Variants in GPHN observed in about 807,000 individuals in gnomAD.
The protein encoded by GPHN is gephyrin.
A neutral mutation model predicts 95.5 loss-of-function variants in GPHN; 17 were observed. The observed-to-expected ratio is 0.18, with a 90% CI of 0.12 to 0.27. The LOEUF (loss-of-function observed/expected upper bound fraction) is 0.27. GPHN is among the 10% of genes least tolerant of loss of function. GPHN has a pLI of 1.00. For synonymous variants in GPHN, 320 were observed against 322.5 expected, an observed-to-expected ratio of 0.99 and a Z score of 0.08; for missense variants, 660 against 978.1, an observed-to-expected ratio of 0.67 and a Z score of 4.34.
the GPHN span, chr14:67,201,613 G>A: frequency 1.6e-5 from 7 of 448,188 alleles, no homozygotes; most frequent in East Asian, 4.2e-4. Flanking sequence ...CACTGGCAAG[G>A]GGTGTGGAGT....
At chr14:66,527,432 A>AT (rs1289518375) in intron 1 of GPHN, among the ~76,000 whole-genome samples, 1 of 150,082 alleles carries the variant, frequency 6.7e-6, no homozygotes, top group Non-Finnish European at 1.5e-5. Flanking sequence ...GGATTCATTA[A>AT]TTTTTTTGAG....
chr14:67,687,762 C>A, the GPHN span, among the ~76,000 whole-genome samples: 1 of 150,846 alleles, frequency 6.6e-6, no homozygotes, highest in Non-Finnish European at 1.5e-5. Flanking sequence ...TGAGCCACCA[C>A]GTCCGGCCCT....
chr14:66,685,507 A>T (rs994062678), intron 2 of GPHN, among the ~76,000 whole-genome samples: 1 of 152,104 alleles, frequency 6.6e-6, no homozygotes, highest in Non-Finnish European at 1.5e-5. Flanking sequence ...GCCAGTGATG[A>T]TGAGCATTTT....
At chr14:67,453,328 C>T in the GPHN span, among the ~76,000 whole-genome samples, 1 of 152,034 alleles carries the variant, frequency 6.6e-6, no homozygotes, top group Admixed American at 6.6e-5. Context: ...AAAGGAAGGC[C>T]CTGAGGGAAG....
chr14:66,599,227 A>G (rs2062114672), intron 1 of GPHN, among the ~76,000 whole-genome samples: 1 of 152,018 alleles, frequency 6.6e-6, no homozygotes. Context: ...AGTAGGAAAC[A>G]CGCATTTTTG....
intron 1 of GPHN, among the ~76,000 whole-genome samples, chr14:66,606,173 G>A (rs1041660574): frequency 2.6e-5 from 4 of 152,176 alleles, no homozygotes; most frequent in Non-Finnish European, 4.4e-5. Flanking sequence ...TTTTGTATGC[G>A]GTGAAAGGTA....
the GPHN span, chr14:67,569,938 C>T: frequency 3.7e-6 from 6 of 1,608,966 alleles, no homozygotes; most frequent in Non-Finnish European, 5.1e-6. Context: ...CCCTCCTGCC[C>T]TTGTTTCCCC....
intron 3 of GPHN, among the ~76,000 whole-genome samples, chr14:66,810,619 G>T (rs2060722695): frequency 6.6e-6 from 1 of 151,904 alleles, no homozygotes; most frequent in African/African-American, 2.4e-5. Context: ...TCAAATTTTG[G>T]TATATACAGA....
the GPHN span, chr14:67,555,782 GGGACAT>G: frequency 6.2e-7 from 1 of 1,608,264 alleles, no homozygotes; most frequent in Non-Finnish European, 8.5e-7. Context: ...GTTCACAGTA[GGGACAT>G]GGCACCTACA....
chr14:66,509,596 C>CTTATGTGT (rs1393876757), intron 1 of GPHN, among the ~76,000 whole-genome samples: 4 of 152,060 alleles, frequency 2.6e-5, no homozygotes, highest in Non-Finnish European at 4.4e-5. Context: ...CTGTAATTGG[C>CTTATGTGT]AAGGTTTATG....
chr14:66,916,509 TTTTTG>T (rs2065912852), intron 6 of GPHN, among the ~76,000 whole-genome samples: 1 of 151,200 alleles, frequency 6.6e-6, no homozygotes, highest in Middle Eastern at 3.2e-3. Context: ...TTGGTTTTTT[TTTTTG>T]TTTTGTTTTG....
the GPHN span, chr14:67,376,624 G>C: frequency 6.3e-7 from 1 of 1,599,212 alleles, no homozygotes; most frequent in Middle Eastern, 1.7e-4. Context: ...CTTCTACCTT[G>C]ATATCACAAC....
the GPHN span, among the ~76,000 whole-genome samples, chr14:67,207,641 A>G: frequency 6.6e-6 from 1 of 152,202 alleles, no homozygotes; most frequent in Non-Finnish European, 1.5e-5. Flanking sequence ...CCTGCTGACC[A>G]ACTGCCTTGA....
At position 66,918,734 on chromosome 14, in the gene GPHN, G is replaced by A. The variant is rs1470731871; in HGVS notation, c.456+2665G>A. 2.0e-5 allele frequency among the ~76,000 whole-genome samples: 3 copies of A among 152,024 alleles called. 1 individual carries two copies. The highest frequency in any genetic ancestry group is 4.8e-5 in the African/African-American group (2 of 41,382). ...GACAACAAAGACATTCCTATTAGGCGTGAAATTCCAAGGACCTAGAGATCA... is the reference window on the plus strand; with the variant it reads ...GACAACAAAGACATTCCTATTAGGCATGAAATTCCAAGGACCTAGAGATCA... On this transcript the variant is annotated intron_variant, in intron 6 of 22. Coordinates refer to ENST00000478722, the MANE Select transcript of GPHN (RefSeq NM_020806.5).
intron 2 of GPHN, among the ~76,000 whole-genome samples, chr14:66,686,931 A>G (rs2067406146): frequency 6.6e-6 from 1 of 152,102 alleles, no homozygotes; most frequent in African/African-American, 2.4e-5. Flanking sequence ...TCCCATCAAT[A>G]CCTAATTTGT....
chr14:67,301,418 T>C, the GPHN span: 4 of 1,610,600 alleles, frequency 2.5e-6, no homozygotes, highest in Admixed American at 6.7e-5. Context: ...CAGTTCATCA[T>C]AAGGAAGGAC....
At chr14:66,625,909 A>T (rs1595299624) in intron 1 of GPHN, among the ~76,000 whole-genome samples, 1 of 152,320 alleles carries the variant, frequency 6.6e-6, no homozygotes, top group East Asian at 1.9e-4. Context: ...CAGGCCTTAT[A>T]ACCCAGTGGA....
chr14:66,792,075 A>G (rs1485071726), intron 3 of GPHN, among the ~76,000 whole-genome samples: 6 of 152,188 alleles, frequency 3.9e-5, no homozygotes, highest in South Asian at 2.1e-4. Context: ...AATTACCCCC[A>G]TGATTCAATT....
chr14:66,693,874 G>C (rs559638150), intron 2 of GPHN, among the ~76,000 whole-genome samples: 1 of 152,122 alleles, frequency 6.6e-6, no homozygotes, highest in East Asian at 1.9e-4. Context: ...AAATCTATTG[G>C]TCCACCAGAG....
Sources: allele counts gnomAD v4.1 joint callset (sites outside exome capture counted in the v4.1 genomes callset), GRCh38; gene constraint gnomAD v4.1.1; transcripts MANE v1.5; gene names NCBI Gene and HGNC (gene_info 2026-07-23, HGNC 2026-07-21).